PIK3C3: variants seen among roughly 807,000 people sequenced by gnomAD.
PIK3C3 encodes the protein phosphatidylinositol 3-kinase catalytic subunit type 3, also known as PI3-kinase type 3.
A neutral mutation model predicts 126.1 loss-of-function variants in PIK3C3; 95 were observed. The ratio of observed to expected loss-of-function variants is 0.75; its 90% confidence interval spans 0.64 to 0.89. The LOEUF (loss-of-function observed/expected upper bound fraction) is 0.89. Among genes scored for constraint, PIK3C3 ranks in the 40% least tolerant of loss-of-function variants. The probability of loss-of-function intolerance (pLI) is 0.00; values close to 1 mark genes in which losing one functional copy is unlikely to be tolerated. For missense variants in PIK3C3, 829 were observed against 1,063.2 expected, an observed-to-expected ratio of 0.78 and a Z score of 3.06; for synonymous variants, 374 against 360.0, an observed-to-expected ratio of 1.04 and a Z score of -0.44.
intron 18 of PIK3C3, 129 bp from the exon 19 acceptor site, chr18:42,040,548 A>G: frequency 4.6e-6 from 3 of 649,112 alleles, no homozygotes; most frequent in Admixed American, 3.0e-5. Context: ...TGTAGTGTAC[A>G]CTGATCTTTT....
chr18:42,020,846 T>G (rs1983290386), intron 13 of PIK3C3, 141 bp downstream of exon 13: 1 of 565,070 alleles, frequency 1.8e-6, no homozygotes, highest in East Asian at 3.0e-5. Flanking sequence ...CTAACTGTAT[T>G]CCCTGACAGC....
chr18:42,015,790 CA>C (rs962857467), intron 12 of PIK3C3, among the ~76,000 whole-genome samples: 1 of 152,076 alleles, frequency 6.6e-6, no homozygotes, highest in African/African-American at 2.4e-5. Flanking sequence ...TAAATGGATT[CA>C]TATGCAATAT....
At chr18:42,036,006 G>T (rs1275654474) in intron 16 of PIK3C3, among the ~76,000 whole-genome samples, 4 of 152,028 alleles carry the variant, frequency 2.6e-5, no homozygotes, top group Admixed American at 2.6e-4. Flanking sequence ...AAATCGTATT[G>T]AATCTCAAAA....
chr18:42,028,227 TAAAA>T (rs60996133), intron 14 of PIK3C3, among the ~76,000 whole-genome samples: 4 of 151,990 alleles, frequency 2.6e-5, no homozygotes, highest in Non-Finnish European at 4.4e-5. Flanking sequence ...TGCATGGAAT[TAAAA>T]AAAAGCTTTG....
chr18:42,007,255 A>G (rs949000881), intron 10 of PIK3C3, among the ~76,000 whole-genome samples: 4 of 152,192 alleles, frequency 2.6e-5, no homozygotes, highest in African/African-American at 7.2e-5. Flanking sequence ...GACAATCCCC[A>G]TAAGTCTTTT....
chr18:41,984,871 A>G (rs1162539440), intron 4 of PIK3C3: 1 of 152,174 alleles, frequency 6.6e-6, no homozygotes, highest in Non-Finnish European at 1.5e-5. Flanking sequence ...TTTAACTGTT[A>G]TAATGCAGCA....
intron 7 of PIK3C3, among the ~76,000 whole-genome samples, chr18:41,994,160 A>T (rs553937908): frequency 6.6e-6 from 1 of 152,294 alleles, no homozygotes; most frequent in South Asian, 2.1e-4. Context: ...GGAACGGCTG[A>T]TGGCCTAATA....
intron 10 of PIK3C3, among the ~76,000 whole-genome samples, chr18:42,006,004 C>G (rs921434173): frequency 6.6e-6 from 1 of 151,000 alleles, no homozygotes; most frequent in African/African-American, 2.4e-5. Context: ...ATAACCCTCT[C>G]CTTGGGTGTG....
At chr18:42,044,182 A>G (rs1044990550) in intron 20 of PIK3C3, among the ~76,000 whole-genome samples, 1 of 152,192 alleles carries the variant, frequency 6.6e-6, no homozygotes, top group Non-Finnish European at 1.5e-5. Context: ...ATAAAGTTTA[A>G]GAGCTAAGAT....
Position 42,043,781 on chromosome 18 carries a change from A to G in PIK3C3, c.2152A>G (p.Ser718Gly). ...AAGTGAGAATGGGCCAAATGGGATT[A>G]GTGCTGAGGTCATGGACACTTACGT... Reference protein sequence around the residue: ...APSENGPNGISAEVMDTYVKS... With the variant: ...APSENGPNGIGAEVMDTYVKS... Residue 718 changes from serine (S) to glycine (G), a missense_variant, in exon 20 of 25, where the codon AGT (serine) becomes GGT (glycine). Ser to Gly is a moderately conservative substitution (Grantham distance 56). This residue lies in a region of PIK3C3 where 196 missense variants were observed against 312.8 expected (regional missense o/e 0.63). Coordinates refer to ENST00000262039, the MANE Select transcript of PIK3C3 (RefSeq NM_002647.4). 6.2e-7 allele frequency: 1 copy of G among 1,613,314 alleles called. No individual in the cohort carries two copies. The highest frequency in any genetic ancestry group is 8.5e-7 in the Non-Finnish European group (1 of 1,179,372).
At chr18:42,033,087 T>A (rs1489477282) in intron 15 of PIK3C3, among the ~76,000 whole-genome samples, 1 of 152,178 alleles carries the variant, frequency 6.6e-6, no homozygotes, top group South Asian at 2.1e-4. Flanking sequence ...CTCACCTATT[T>A]AGGTGAGCAA....
At chr18:41,974,930 A>G (rs1218639439) in intron 4 of PIK3C3, among the ~76,000 whole-genome samples, 2 of 152,194 alleles carry the variant, frequency 1.3e-5, no homozygotes, top group Admixed American at 1.3e-4. Flanking sequence ...TTTTCATTTT[A>G]GCAGCTCTGC....
At chr18:41,969,385 A>C (rs1297255737) in intron 3 of PIK3C3, among the ~76,000 whole-genome samples, 1 of 152,232 alleles carries the variant, frequency 6.6e-6, no homozygotes, top group African/African-American at 2.4e-5. Context: ...CATCAGAAAG[A>C]AACATGGGAA....
chr18:42,005,226 A>C (rs929712509), intron 10 of PIK3C3, among the ~76,000 whole-genome samples: 6 of 152,198 alleles, frequency 3.9e-5, no homozygotes, highest in Non-Finnish European at 7.3e-5. Context: ...AGCCTACTAC[A>C]CACTGAGGCT....
intron 19 of PIK3C3, among the ~76,000 whole-genome samples, chr18:42,042,834 G>A (rs1312232043): frequency 2.0e-5 from 3 of 152,136 alleles, no homozygotes; most frequent in Admixed American, 2.0e-4. Context: ...CTGCCAAATC[G>A]TAGTGTTGCC....
intron 24 of PIK3C3, among the ~76,000 whole-genome samples, chr18:42,070,213 C>G (rs1016513609): frequency 1.3e-5 from 2 of 152,132 alleles, no homozygotes; most frequent in African/African-American, 4.8e-5. Context: ...AAAATAAGTC[C>G]CAAGAGCAGC....
At chr18:42,034,784 CATTGAATATTACTTTGCATGAGTTA>C (rs1983975469) in intron 16 of PIK3C3, among the ~76,000 whole-genome samples, 1 of 152,144 alleles carries the variant, frequency 6.6e-6, no homozygotes, top group African/African-American at 2.4e-5. Flanking sequence ...GGCATAGTTG[CATTGAATATTACTTTGCATGAGTTA>C]AGAAAGGGCT....
chr18:41,995,557 G>T (rs1320746978), intron 7 of PIK3C3, among the ~76,000 whole-genome samples: 1 of 152,136 alleles, frequency 6.6e-6, no homozygotes, highest in Non-Finnish European at 1.5e-5. Flanking sequence ...GAATGCTTTA[G>T]TCTATGTTGT....
intron 10 of PIK3C3, among the ~76,000 whole-genome samples, chr18:42,005,657 T>C (rs903836350): frequency 2.0e-5 from 3 of 152,186 alleles, no homozygotes; most frequent in Non-Finnish European, 1.5e-5. Flanking sequence ...GCAATGTCGA[T>C]CGCATAGAAC....
Sources: gnomAD v4.1 joint callset for allele counts (sites outside exome capture counted in the v4.1 genomes callset) on GRCh38, gnomAD v4.1.1 for gene constraint, gnomAD v4.1.1 regional missense constraint, MANE v1.5 for transcripts, NCBI Gene and HGNC (gene_info 2026-07-23, HGNC 2026-07-21) for gene names.